RIC1: variants seen among roughly 807,000 people sequenced by gnomAD.
The protein encoded by RIC1 is guanine nucleotide exchange factor subunit RIC1.
Under a neutral mutation model 169.0 loss-of-function variants are expected in RIC1, and 88 were observed. The ratio of observed to expected loss-of-function variants is 0.52; its 90% CI spans 0.44 to 0.62. The LOEUF (loss-of-function observed/expected upper bound fraction) is 0.62, where lower values mean the gene tolerates loss of function less well. Among genes scored for constraint, RIC1 ranks in the 20% least tolerant of loss-of-function variants. The pLI is 0.00. For missense variants in RIC1, 1,877 were observed against 1,725.5 expected (o/e 1.09, Z -1.56); for synonymous variants, 790 against 601.5 (o/e 1.31, Z -4.59).
At chr9:5,724,699 T>G (rs1192658078) in intron 6 of RIC1, among the ~76,000 whole-genome samples, 2 of 152,354 alleles carry the variant, frequency 1.3e-5, no homozygotes, top group East Asian at 3.9e-4. Flanking sequence ...GGGTTTGTCA[T>G]AAGTAGCTCT....
In RIC1 at chr9:5,774,174, AGAG is replaced by A. The variant is rs763586601; in HGVS notation, c.4206_4208del (p.Glu1402del). ...GAAGCAGCAATATGGTCAGCCGGAA[AGAG>A]GAGGACACAGCCCAAGCAGAGGAGG... On this transcript the variant is annotated inframe_deletion, in exon 26 of 26. Transcript: ENST00000414202. The A allele has an allele frequency of 1.4e-4, 234 of 1,614,084 alleles. No homozygotes were observed. In the East Asian group the frequency reaches 2.2e-3, roughly 15 times the overall value.
chr9:5,696,746 C>CA (rs1821929533), intron 3 of RIC1, among the ~76,000 whole-genome samples: 1 of 152,188 alleles, frequency 6.6e-6, no homozygotes, highest in Non-Finnish European at 1.5e-5. Flanking sequence ...ATTGCTGGGT[C>CA]ATATCACATG....
intron 18 of RIC1, 57 bp downstream of exon 18, chr9:5,762,717 G>A: frequency 1.3e-6 from 2 of 1,559,814 alleles, no homozygotes; most frequent in Non-Finnish European, 1.7e-6. Flanking sequence ...GGATGAGGAT[G>A]AAGGAATGAA....
At chr9:5,726,016 G>A (rs1300740336) in intron 6 of RIC1, among the ~76,000 whole-genome samples, 2 of 152,160 alleles carry the variant, frequency 1.3e-5, no homozygotes, top group Admixed American at 1.3e-4. Context: ...GTGCTGAGAA[G>A]AATGTATATT....
At chr9:5,694,424 T>A (rs1821769947) in intron 3 of RIC1, among the ~76,000 whole-genome samples, 1 of 152,244 alleles carries the variant, frequency 6.6e-6, no homozygotes, top group Admixed American at 6.5e-5. Flanking sequence ...TGACAAAGTA[T>A]GTTAGTGATC....
chr9:5,669,779 G>C (rs1039922433), intron 2 of RIC1, among the ~76,000 whole-genome samples: 1 of 152,166 alleles, frequency 6.6e-6, no homozygotes, highest in African/African-American at 2.4e-5. Flanking sequence ...AAGGAGCAGT[G>C]TGGGAGTCAA....
intron 1 of RIC1, among the ~76,000 whole-genome samples, chr9:5,650,632 C>T (rs1169417350): frequency 1.3e-5 from 2 of 152,012 alleles, no homozygotes; most frequent in Non-Finnish European, 1.5e-5. Context: ...AGATTCTGTC[C>T]TCAGGACATG....
At chr9:5,710,483 A>G (rs564175831) in intron 3 of RIC1, among the ~76,000 whole-genome samples, 15 of 152,292 alleles carry the variant, frequency 9.8e-5, no homozygotes, top group Admixed American at 2.6e-4. Context: ...AGGTACTAGT[A>G]TTTGAAGACC....
chr9:5,669,889 C>A (rs970425541), intron 2 of RIC1, among the ~76,000 whole-genome samples: 1 of 152,138 alleles, frequency 6.6e-6, no homozygotes, highest in South Asian at 2.1e-4. Context: ...TCAGACATCA[C>A]TTAGGGGAGA....
chr9:5,644,684 A>G (rs1424293595), intron 1 of RIC1, among the ~76,000 whole-genome samples: 1 of 152,226 alleles, frequency 6.6e-6, no homozygotes, highest in East Asian at 1.9e-4. Flanking sequence ...GTCATTGTGA[A>G]TAATACTCTC....
chr9:5,754,259 A>T (rs955846779), intron 14 of RIC1, among the ~76,000 whole-genome samples: 2 of 152,206 alleles, frequency 1.3e-5, no homozygotes, highest in African/African-American at 4.8e-5. Context: ...TTAAGCCAGA[A>T]TTTACACTAA....
At chr9:5,743,651 G>A (rs781358449) in intron 9 of RIC1, 38 bp from the exon 10 acceptor site, 1 of 1,499,116 alleles carries the variant, frequency 6.7e-7, no homozygotes, top group Non-Finnish European at 9.1e-7. Context: ...ATATGTAATT[G>A]GAAGGCTGTA....
At chr9:5,767,533 G>A (rs564926744) in intron 21 of RIC1, among the ~76,000 whole-genome samples, 6 of 144,276 alleles carry the variant, frequency 4.2e-5, no homozygotes, top group East Asian at 2.0e-4. Context: ...TCTTACTACC[G>A]TGCTTGGGCA....
At chr9:5,769,468 G>T (rs1827048334) in intron 22 of RIC1, 5 of 1,454,212 alleles carry the variant, frequency 3.4e-6, no homozygotes, top group Non-Finnish European at 4.5e-6. Flanking sequence ...TTGTGACCTT[G>T]AAGTCTAATT....
At chr9:5,768,931 A>G in intron 21 of RIC1, 39 bp from the exon 22 acceptor site, 3 of 1,562,054 alleles carry the variant, frequency 1.9e-6, no homozygotes, top group Non-Finnish European at 2.6e-6. Context: ...ATCCTCCAGT[A>G]AAGATTATTC....
intron 3 of RIC1, among the ~76,000 whole-genome samples, chr9:5,701,071 G>C (rs943514852): frequency 6.6e-6 from 1 of 152,068 alleles, no homozygotes; most frequent in African/African-American, 2.4e-5. Flanking sequence ...CTATCACTAT[G>C]ACTTAAGTTG....
chr9:5,657,927 G>GAAAATCCTC (rs1421014417), intron 2 of RIC1, among the ~76,000 whole-genome samples: 9 of 152,190 alleles, frequency 5.9e-5, no homozygotes, highest in African/African-American at 2.2e-4. Flanking sequence ...ACTGGGGCAC[G>GAAAATCCTC]AAAATCCTCA....
intron 21 of RIC1, among the ~76,000 whole-genome samples, chr9:5,766,835 TTCTTTTCCTCTGGGTAGA>T (rs1826798665): frequency 6.6e-6 from 1 of 152,236 alleles, no homozygotes; most frequent in Non-Finnish European, 1.5e-5. Context: ...TTTGAATGAC[TTCTTTTCCTCTGGGTAGA>T]ACCCCAGTAG....
chr9:5,646,794 G>A (rs1408605659), intron 1 of RIC1, among the ~76,000 whole-genome samples: 1 of 152,166 alleles, frequency 6.6e-6, no homozygotes, highest in African/African-American at 2.4e-5. Flanking sequence ...AGCCATTGAT[G>A]CACAGCATTT....
Sources: gnomAD v4.1 joint callset for allele counts (sites outside exome capture counted in the v4.1 genomes callset) on GRCh38, gnomAD v4.1.1 for gene constraint, MANE v1.5 for transcripts, NCBI Gene and HGNC (gene_info 2026-07-23, HGNC 2026-07-21) for gene names.